The following RANBP9 variants were observed in gnomAD, a reference collection of about 807,000 sequenced individuals.
The protein encoded by RANBP9 is RAN binding protein 9.
A neutral mutation model predicts 84.3 loss-of-function variants in RANBP9; 15 were observed. The observed-to-expected ratio is 0.18, with a 90% CI of 0.12 to 0.27. The LOEUF is 0.27. RANBP9 is among the 10% of genes least tolerant of loss of function. The pLI, the probability that RANBP9 is intolerant of heterozygous loss-of-function variation, is 1.00. For synonymous variants in RANBP9, 392 were observed against 349.6 expected, an observed-to-expected ratio of 1.12 and a Z score of -1.35; for missense variants, 809 against 912.8, an observed-to-expected ratio of 0.89 and a Z score of 1.46.
intron 9 of RANBP9, 112 bp from the exon 10 acceptor site, chr6:13,638,067 C>G: frequency 1.1e-6 from 1 of 942,734 alleles, no homozygotes; most frequent in Non-Finnish European, 1.5e-6. Context: ...GTAGGAGAGT[C>G]AATGGATGAT....
chr6:13,667,021 C>T (rs1200276695), intron 2 of RANBP9, among the ~76,000 whole-genome samples: 2 of 152,080 alleles, frequency 1.3e-5, no homozygotes, highest in Non-Finnish European at 2.9e-5. Context: ...TAAAAACAAA[C>T]TCAATCCAAC....
At position 13,622,088 on chromosome 6, in the gene RANBP9, G is replaced by C; in HGVS notation, c.*274C>G. The C allele has an allele frequency of 4.7e-6, 1 of 212,740 alleles. No homozygotes were observed. The highest frequency in any genetic ancestry group is 9.0e-6 in the Non-Finnish European group (1 of 110,852). The allele number at this position is 212,740 out of a possible 1,614,324, so 13.2% of individuals were successfully genotyped here. A position where few individuals can be genotyped will look rare whatever the true frequency, so the allele number is the denominator to read the frequency against. On this transcript the variant is annotated 3_prime_UTR_variant, in exon 14 of 14. Transcript: ENST00000011619. ...GATTTTTGGTTTCTTTTAGGTAATT[G>C]TTTTAAAGGATTTGTGATGATCAAT...
intron 9 of RANBP9, among the ~76,000 whole-genome samples, chr6:13,638,284 G>A (rs568179751): frequency 2.0e-5 from 3 of 152,248 alleles, no homozygotes; most frequent in Admixed American, 6.5e-5. Flanking sequence ...GTGACTGTAT[G>A]ATATTCAAGA....
At chr6:13,641,997 T>G (rs1765076013) in intron 7 of RANBP9, among the ~76,000 whole-genome samples, 1 of 152,182 alleles carries the variant, frequency 6.6e-6, no homozygotes, top group Non-Finnish European at 1.5e-5. Context: ...GGACCAGTTA[T>G]GCTGACTTGC....
intron 2 of RANBP9, among the ~76,000 whole-genome samples, chr6:13,692,136 C>T (rs1562320544): frequency 6.6e-6 from 1 of 151,892 alleles, no homozygotes; most frequent in Non-Finnish European, 1.5e-5. Context: ...ATATGAGTTG[C>T]TTTTTTTTCA....
At chr6:13,673,081 A>G (rs1367165071) in intron 2 of RANBP9, among the ~76,000 whole-genome samples, 1 of 152,194 alleles carries the variant, frequency 6.6e-6, no homozygotes, top group East Asian at 1.9e-4. Context: ...GATAAACATC[A>G]AAACATCAAC....
At chr6:13,657,030 TA>T in intron 4 of RANBP9, 78 bp downstream of exon 4, 1 of 1,330,526 alleles carries the variant, frequency 7.5e-7, no homozygotes, top group Non-Finnish European at 1.0e-6. Flanking sequence ...GAGAATCACA[TA>T]ATAAATACAA....
chr6:13,653,900 A>C (rs1343856331), intron 4 of RANBP9, among the ~76,000 whole-genome samples: 1 of 152,098 alleles, frequency 6.6e-6, no homozygotes, highest in Non-Finnish European at 1.5e-5. Context: ...TAACACAGAA[A>C]GCAAGTACTA....
intron 1 of RANBP9, among the ~76,000 whole-genome samples, chr6:13,707,094 G>A (rs1758148236): frequency 6.6e-6 from 1 of 150,992 alleles, no homozygotes; most frequent in South Asian, 2.1e-4. Context: ...GGCCATCATA[G>A]CTCACTGAAG....
intron 1 of RANBP9, among the ~76,000 whole-genome samples, chr6:13,710,597 C>T (rs567644499): frequency 6.6e-6 from 1 of 152,310 alleles, no homozygotes; most frequent in Non-Finnish European, 1.5e-5. Context: ...GATTCCTCTA[C>T]CCAAGCCCCA....
chr6:13,707,329 T>C (rs933202744), intron 1 of RANBP9, among the ~76,000 whole-genome samples: 2 of 152,222 alleles, frequency 1.3e-5, no homozygotes, highest in Admixed American at 1.3e-4. Context: ...AAATTGACTA[T>C]TTCATTGCTT....
intron 1 of RANBP9, among the ~76,000 whole-genome samples, chr6:13,698,599 A>C (rs561474289): frequency 6.6e-6 from 1 of 152,206 alleles, no homozygotes; most frequent in Non-Finnish European, 1.5e-5. Flanking sequence ...AGTGACCCAA[A>C]CTTTTAGTGA....
At chr6:13,650,382 T>A (rs992059630) in intron 5 of RANBP9, among the ~76,000 whole-genome samples, 2 of 152,188 alleles carry the variant, frequency 1.3e-5, no homozygotes, top group Admixed American at 6.5e-5. Flanking sequence ...TATTAAGGGA[T>A]ATAAATAGTC....
intron 5 of RANBP9, among the ~76,000 whole-genome samples, chr6:13,651,905 G>A (rs1765306807): frequency 6.6e-6 from 1 of 151,942 alleles, no homozygotes; most frequent in African/African-American, 2.4e-5. Context: ...CATATGCTCT[G>A]CCCTCCTCAC....
intron 1 of RANBP9, among the ~76,000 whole-genome samples, chr6:13,702,367 T>G (rs563120979): frequency 1.7e-4 from 26 of 152,258 alleles, no homozygotes; most frequent in Admixed American, 1.4e-3. Context: ...TGCTTAAACC[T>G]GGGATCCGGC....
At chr6:13,677,300 C>T (rs1383330139) in intron 2 of RANBP9, among the ~76,000 whole-genome samples, 4 of 151,956 alleles carry the variant, frequency 2.6e-5, no homozygotes, top group Non-Finnish European at 5.9e-5. Context: ...CAAATATTGA[C>T]AAAATTGATA....
Position 13,634,450 on chromosome 6 carries a change from T to A in RANBP9, c.1776A>T (p.Glu592Asp), listed in dbSNP as rs1383664832. Reference sequence around the variant, plus strand: ...GCAGACCCATTTCGGTGTCACAATCTTCCATTTCGTGGTCATGTTTAGAGC... The same window carrying A: ...GCAGACCCATTTCGGTGTCACAATCATCCATTTCGTGGTCATGTTTAGAGC... ...NGSSKHDHEMEDCDTEMEVDS... is the reference protein window; with the variant it reads ...NGSSKHDHEMDDCDTEMEVDS... Residue 592 changes from glutamate (E) to aspartate (D), a missense_variant, in exon 11 of 14, where the codon GAA becomes GAT. Around this residue, in one of 5 missense-constraint regions of RANBP9, gnomAD observed 233 missense variants for 234.4 expected, o/e 0.99. Transcript: ENST00000011619. 2.2e-5 allele frequency: 36 copies of A among 1,613,562 alleles called. No homozygotes were observed. The highest frequency in any genetic ancestry group is 2.9e-5 in the Non-Finnish European group (34 of 1,179,732).
At chr6:13,632,337 T>A in intron 12 of RANBP9, 33 bp downstream of exon 12, 1 of 1,597,880 alleles carries the variant, frequency 6.3e-7, no homozygotes, top group South Asian at 1.1e-5. Context: ...TCCTCTGACA[T>A]ATTCATAATT....
rs537275706 is a variant in RANBP9, at chr6:13,630,977, T to G, written c.1947+1393A>C. 5.3e-5 allele frequency among the ~76,000 whole-genome samples: 8 copies of G among 152,220 alleles called. No homozygotes were observed. In the East Asian group the frequency reaches 1.2e-3, roughly 22 times the overall value. On this transcript the variant is annotated intron_variant, in intron 12 of 13. Coordinates refer to ENST00000011619, the MANE Select transcript of RANBP9 (RefSeq NM_005493.3). Reference sequence around the variant, plus strand: ...GGCGCCCGCCACCAGGCCCAGCTACTTTTTTGTATTTTTAGTAGAGACGGG... The same window carrying G: ...GGCGCCCGCCACCAGGCCCAGCTACGTTTTTGTATTTTTAGTAGAGACGGG...
Sources: allele counts gnomAD v4.1 joint callset (sites outside exome capture counted in the v4.1 genomes callset), GRCh38; gene constraint gnomAD v4.1.1; regional missense constraint gnomAD v4.1.1; transcripts MANE v1.5; gene names NCBI Gene and HGNC (gene_info 2026-07-23, HGNC 2026-07-21).